The following FHIT variants were observed in gnomAD, a reference collection of about 807,000 sequenced individuals.
FHIT encodes the protein fragile histidine triad diadenosine triphosphatase, also known as bis(5'-adenosyl)-triphosphatase.
Under a neutral mutation model 17.9 loss-of-function variants are expected in FHIT, and 19 were observed. The ratio of observed to expected loss-of-function variants is 1.06; its 90% CI spans 0.74 to 1.56. FHIT has a LOEUF of 1.56. FHIT is among the 40% of genes most tolerant of loss of function. The pLI, the probability that FHIT is intolerant of heterozygous loss-of-function variation, is 0.00. For missense variants in FHIT, 248 were observed against 189.2 expected (o/e 1.31, Z -1.82); for synonymous variants, 81 against 69.7 (o/e 1.16, Z -0.81).
intron 7 of FHIT, among the ~76,000 whole-genome samples, chr3:59,959,205 A>T (rs1707549212): frequency 6.6e-6 from 1 of 152,174 alleles, no homozygotes; most frequent in African/African-American, 2.4e-5. Flanking sequence ...GACAATCATC[A>T]TTACCACCAG....
intron 3 of FHIT, among the ~76,000 whole-genome samples, chr3:60,845,100 T>G (rs556984838): frequency 6.6e-6 from 1 of 152,236 alleles, no homozygotes; most frequent in Admixed American, 6.5e-5. Flanking sequence ...CAAGCTTGGT[T>G]CTAACAATGA....
At chr3:60,321,712 G>T (rs529056510) in intron 5 of FHIT, among the ~76,000 whole-genome samples, 1 of 152,280 alleles carries the variant, frequency 6.6e-6, no homozygotes, top group Admixed American at 6.5e-5. Flanking sequence ...CTTAAATTGG[G>T]TGATGTATAA....
chr3:60,221,719 C>T (rs1703968818), intron 5 of FHIT, among the ~76,000 whole-genome samples: 1 of 152,054 alleles, frequency 6.6e-6, no homozygotes, highest in South Asian at 2.1e-4. Context: ...ATTTCATGGA[C>T]CCTCAGCCTG....
intron 4 of FHIT, among the ~76,000 whole-genome samples, chr3:60,780,708 C>G (rs1165734534): frequency 6.6e-6 from 1 of 152,154 alleles, no homozygotes; most frequent in African/African-American, 2.4e-5. Flanking sequence ...CATCCTTATC[C>G]TTAATCTAAA....
At chr3:60,274,580 TAACA>T (rs1707031832) in intron 5 of FHIT, among the ~76,000 whole-genome samples, 1 of 152,154 alleles carries the variant, frequency 6.6e-6, no homozygotes. Flanking sequence ...AACTTGTCTA[TAACA>T]AAAACATGCC....
intron 5 of FHIT, among the ~76,000 whole-genome samples, chr3:60,176,262 G>A (rs140552709): frequency 2.6e-5 from 4 of 152,146 alleles, no homozygotes; most frequent in Admixed American, 6.5e-5. Context: ...TGAGGCAGGA[G>A]AATTGCTTGA....
chr3:59,889,324 G>A (rs1203649226), intron 8 of FHIT, among the ~76,000 whole-genome samples: 2 of 152,192 alleles, frequency 1.3e-5, no homozygotes, highest in African/African-American at 2.4e-5. Context: ...AGGTTCTGGT[G>A]ATAATAGGGG....
At chr3:60,338,185 T>C (rs1309463305) in intron 5 of FHIT, among the ~76,000 whole-genome samples, 1 of 152,112 alleles carries the variant, frequency 6.6e-6, no homozygotes, top group East Asian at 1.9e-4. Flanking sequence ...AAGAAATTGC[T>C]CAAATTCCAC....
chr3:60,716,392 AT>A (rs1287421940), intron 4 of FHIT, among the ~76,000 whole-genome samples: 12 of 151,818 alleles, frequency 7.9e-5, no homozygotes, highest in African/African-American at 2.9e-4. Context: ...TATTTGTATT[AT>A]TTTTTTAAAC....
chr3:59,823,180 T>C (rs1700855189), intron 8 of FHIT, among the ~76,000 whole-genome samples: 1 of 152,178 alleles, frequency 6.6e-6, no homozygotes, highest in African/African-American at 2.4e-5. Flanking sequence ...AACCATGCTG[T>C]TTTGGTGACT....
rs71089599 is a variant in FHIT at position 60,359,277 on chromosome 3, C to CTTTTTTT, written c.103+177576_103+177582dup. Among the ~76,000 whole-genome samples the CTTTTTTT allele has an allele frequency of 3.5e-4, 39 of 109,914 alleles. 1 individual carries two copies. Among genetic ancestry groups the CTTTTTTT allele is most frequent in the African/African-American group, 1.0e-3 (30 of 28,682 alleles). The allele number at this position is 109,914 out of a possible 152,430, so 72.1% of individuals were successfully genotyped here. ...TATTATTACTTGAATATGAAAATAT[C>CTTTTTTT]TTTTTTTTTTTTTTTTTTTTTTGAG... On this transcript the variant is annotated intron_variant, in intron 5 of 9. Transcript: ENST00000492590.
At chr3:60,837,846 A>C (rs1046747284) in intron 3 of FHIT, among the ~76,000 whole-genome samples, 19 of 152,046 alleles carry the variant, frequency 1.2e-4, no homozygotes, top group Non-Finnish European at 2.2e-4. Flanking sequence ...TGGTGTCATC[A>C]TTTTACCAGT....
At chr3:59,955,922 G>A (rs1411521792) in intron 7 of FHIT, among the ~76,000 whole-genome samples, 1 of 152,192 alleles carries the variant, frequency 6.6e-6, no homozygotes, top group Non-Finnish European at 1.5e-5. Flanking sequence ...GCCATGGTGT[G>A]TAACAAATGA....
chr3:59,955,840 T>C (rs1382289615), intron 7 of FHIT, among the ~76,000 whole-genome samples: 2 of 152,162 alleles, frequency 1.3e-5, no homozygotes, highest in African/African-American at 4.8e-5. Context: ...GCACTGTCTC[T>C]CATCTGAATG....
At chr3:61,246,236 T>A (rs2040484699) in intron 1 of FHIT, among the ~76,000 whole-genome samples, 1 of 152,190 alleles carries the variant, frequency 6.6e-6, no homozygotes, top group East Asian at 1.9e-4. Flanking sequence ...GACTGCTCCG[T>A]CTATGGAGTA....
chr3:59,821,854 G>T (rs1700804565), intron 8 of FHIT, among the ~76,000 whole-genome samples: 1 of 151,856 alleles, frequency 6.6e-6, no homozygotes, highest in African/African-American at 2.4e-5. Flanking sequence ...TCGGTTACAT[G>T]AGCAAGTTCT....
At chr3:60,723,900 G>A (rs1442857099) in intron 4 of FHIT, among the ~76,000 whole-genome samples, 1 of 152,186 alleles carries the variant, frequency 6.6e-6, no homozygotes, top group Non-Finnish European at 1.5e-5. Flanking sequence ...GTAGCAGCGA[G>A]CAAAGCATTA....
chr3:59,992,043 A>G (rs1699296789), intron 7 of FHIT, among the ~76,000 whole-genome samples: 1 of 152,084 alleles, frequency 6.6e-6, no homozygotes, highest in African/African-American at 2.4e-5. Context: ...AGAGAGGAAC[A>G]TAAAAATGAA....
intron 5 of FHIT, among the ~76,000 whole-genome samples, chr3:60,352,451 T>G (rs1236637191): frequency 6.6e-6 from 1 of 152,166 alleles, no homozygotes; most frequent in Admixed American, 6.5e-5. Context: ...CATGTGTATA[T>G]TAACTCATAT....
Sources: gnomAD v4.1 joint callset for allele counts (sites outside exome capture counted in the v4.1 genomes callset) on GRCh38, gnomAD v4.1.1 for gene constraint, MANE v1.5 for transcripts, NCBI Gene and HGNC (gene_info 2026-07-23, HGNC 2026-07-21) for gene names.